The following KLHL29 variants were observed in gnomAD, a reference collection of about 807,000 sequenced individuals.
KLHL29 encodes kelch-like protein 29.
KLHL29 carries 21 observed loss-of-function variants against 80.4 expected under a neutral mutation model. The observed-to-expected ratio is 0.26, with a 90% CI of 0.19 to 0.38. The LOEUF (loss-of-function observed/expected upper bound fraction) is 0.38, where lower values mean the gene tolerates loss of function less well. Among genes scored for constraint, KLHL29 ranks in the 10% least tolerant of loss-of-function variants. The pLI is 1.00. For missense variants in KLHL29, 867 were observed against 1,223.9 expected (o/e 0.71, Z 4.35); for synonymous variants, 511 against 526.8 (o/e 0.97, Z 0.41).
At chr2:23,514,554 T>TCC (rs1385205635) in intron 2 of KLHL29, among the ~76,000 whole-genome samples, 1 of 152,132 alleles carries the variant, frequency 6.6e-6, no homozygotes, top group African/African-American at 2.4e-5. Flanking sequence ...GCAGCAGGGA[T>TCC]CTAGGAACAG....
chr2:23,699,788 C>T (rs985282541), intron 11 of KLHL29, among the ~76,000 whole-genome samples: 4 of 152,222 alleles, frequency 2.6e-5, no homozygotes, highest in Non-Finnish European at 5.9e-5. Flanking sequence ...CATCCTCTAC[C>T]GGGTCCTTCA....
chr2:23,483,746 A>C (rs890317447), intron 2 of KLHL29, among the ~76,000 whole-genome samples: 1 of 152,156 alleles, frequency 6.6e-6, no homozygotes, highest in African/African-American at 2.4e-5. Context: ...CAAGGAGCAA[A>C]CCAAAGCCCA....
intron 1 of KLHL29, among the ~76,000 whole-genome samples, chr2:23,463,383 T>TCTAGATA (rs1160106688): frequency 2.0e-5 from 3 of 152,230 alleles, no homozygotes; most frequent in Non-Finnish European, 2.9e-5. Context: ...GTCTTCTTAC[T>TCTAGATA]GATACAGAAT....
At chr2:23,556,635 A>T (rs1479562367) in intron 2 of KLHL29, among the ~76,000 whole-genome samples, 2 of 151,456 alleles carry the variant, frequency 1.3e-5, no homozygotes, top group African/African-American at 4.9e-5. Flanking sequence ...CCTGGGTGAC[A>T]GAGCAAGACT....
At chr2:23,677,590 G>T (rs1002149416) in intron 5 of KLHL29, among the ~76,000 whole-genome samples, 3 of 152,192 alleles carry the variant, frequency 2.0e-5, no homozygotes, top group South Asian at 2.1e-4. Context: ...GGCCTTCAGG[G>T]TTTATTCTGA....
At chr2:23,685,803 T>C (rs886712520) in intron 6 of KLHL29, among the ~76,000 whole-genome samples, 1 of 152,214 alleles carries the variant, frequency 6.6e-6, no homozygotes, top group Non-Finnish European at 1.5e-5. Context: ...GGGAGGACTC[T>C]GTGCTGCCAC....
At chr2:23,482,926 G>A (rs1664839950) in intron 2 of KLHL29, among the ~76,000 whole-genome samples, 1 of 152,152 alleles carries the variant, frequency 6.6e-6, no homozygotes, top group Admixed American at 6.5e-5. Context: ...ATCCAGAGAG[G>A]TCAGACTTTC....
intron 1 of KLHL29, among the ~76,000 whole-genome samples, chr2:23,403,779 CAG>C (rs1245589151): frequency 1.0e-4 from 14 of 139,258 alleles, no homozygotes; most frequent in East Asian, 2.1e-4. Context: ...GCGCAAAAGA[CAG>C]GGAAGAATTT....
intron 3 of KLHL29, among the ~76,000 whole-genome samples, chr2:23,597,389 A>G (rs1210639041): frequency 5.2e-4 from 24 of 46,168 alleles, no homozygotes; most frequent in African/African-American, 1.9e-3. Flanking sequence ...GTGTGTATAT[A>G]TATATATATA....
chr2:23,394,990 A>ACAT (rs1176626006), intron 1 of KLHL29, among the ~76,000 whole-genome samples: 1 of 152,220 alleles, frequency 6.6e-6, no homozygotes, highest in East Asian at 1.9e-4. Context: ...CAAATCGGTA[A>ACAT]CATCAATGGT....
At chr2:23,611,992 G>A (rs1276667007) in intron 3 of KLHL29, among the ~76,000 whole-genome samples, 1 of 152,118 alleles carries the variant, frequency 6.6e-6, no homozygotes, top group Non-Finnish European at 1.5e-5. Context: ...AGGTGGGGCA[G>A]TAGGAGTTAA....
chr2:23,525,143 G>A lies in KLHL29; in HGVS notation c.-45-37009G>A, dbSNP rs144465779. On this transcript the variant is annotated intron_variant, in intron 2 of 13. Transcript: ENST00000486442. ...GCCAAATGCCTGACTTCAAGGTGCT[G>A]GGAGCTAAGTATTCCTGTCTCGGCA... Among the ~76,000 whole-genome samples, 7 of 152,318 alleles carry A rather than the reference G, an allele frequency of 4.6e-5. No individual in the cohort carries two copies. In the East Asian group the frequency reaches 1.4e-3, roughly 29 times the overall value.
chr2:23,648,626 C>A (rs1198498748), intron 5 of KLHL29, among the ~76,000 whole-genome samples: 3 of 152,224 alleles, frequency 2.0e-5, no homozygotes, highest in Non-Finnish European at 4.4e-5. Context: ...TACCTCCCCT[C>A]AGGGGCTTTC....
chr2:23,555,628 C>G (rs371899020), intron 2 of KLHL29, among the ~76,000 whole-genome samples: 334 of 152,356 alleles, frequency 2.2e-3, no homozygotes, highest in African/African-American at 7.7e-3. Flanking sequence ...GGTCAGGGCT[C>G]TGTCAGGTGG....
intron 2 of KLHL29, among the ~76,000 whole-genome samples, chr2:23,552,761 CTTTT>C (rs60558023): frequency 2.1e-5 from 2 of 95,572 alleles, no homozygotes; most frequent in African/African-American, 4.7e-5. Flanking sequence ...GGTTTCTTTT[CTTTT>C]TTTTTTTTTT....
At chr2:23,451,472 T>C (rs1663877755) in intron 1 of KLHL29, among the ~76,000 whole-genome samples, 1 of 152,176 alleles carries the variant, frequency 6.6e-6, no homozygotes, top group Non-Finnish European at 1.5e-5. Flanking sequence ...ACCTGGGTCA[T>C]GGGGACTGGG....
At position 23,506,133 on chromosome 2, in the gene KLHL29, A is replaced by G. The variant is rs576937051; in HGVS notation, c.-46+30466A>G. On this transcript the variant is annotated intron_variant, in intron 2 of 13. Coordinates refer to ENST00000486442, the MANE Select transcript of KLHL29 (RefSeq NM_052920.2). ...TTCATCTTCTTTTAAGAAAATGCTG[A>G]GAAAACAGGCAAACTTCCCTGGGAA... is the stretch of plus-strand genomic sequence containing the variant. Among the ~76,000 whole-genome samples the G allele has an allele frequency of 2.0e-5, 3 of 152,348 alleles. No individual in the cohort carries two copies. The East Asian group carries it at 5.8e-4, about 29-fold the overall frequency.
chr2:23,565,012 T>C (rs1238018571), intron 3 of KLHL29, among the ~76,000 whole-genome samples: 1 of 152,156 alleles, frequency 6.6e-6, no homozygotes, highest in Non-Finnish European at 1.5e-5. Flanking sequence ...GTCACTTCTG[T>C]AAAATGGGAA....
chr2:23,494,967 C>T (rs943358763), intron 2 of KLHL29, among the ~76,000 whole-genome samples: 1 of 152,256 alleles, frequency 6.6e-6, no homozygotes, highest in Non-Finnish European at 1.5e-5. Context: ...CCCACTCACC[C>T]AGCCCCAAGC....
Sources: gnomAD v4.1 joint callset for allele counts (sites outside exome capture counted in the v4.1 genomes callset) on GRCh38, gnomAD v4.1.1 for gene constraint, MANE v1.5 for transcripts, NCBI Gene and HGNC (gene_info 2026-07-23, HGNC 2026-07-21) for gene names.